The following ASIC2 variants were observed in gnomAD, a reference collection of about 807,000 sequenced individuals.
The protein encoded by ASIC2 is acid-sensing ion channel 2.
Under a neutral mutation model 57.3 loss-of-function variants are expected in ASIC2, and 25 were observed. The ratio of observed to expected loss-of-function variants is 0.44; its 90% CI spans 0.32 to 0.61. The LOEUF (loss-of-function observed/expected upper bound fraction) is 0.61, where lower values mean the gene tolerates loss of function less well. ASIC2 is among the 20% of genes least tolerant of loss of function. The pLI is 0.06. For synonymous variants in ASIC2, 319 were observed against 307.5 expected, an observed-to-expected ratio of 1.04 and a Z score of -0.39; for missense variants, 641 against 738.1, an observed-to-expected ratio of 0.87 and a Z score of 1.52.
intron 1 of ASIC2, among the ~76,000 whole-genome samples, chr17:33,200,261 C>T (rs1906806637): frequency 1.3e-5 from 2 of 152,212 alleles, no homozygotes; most frequent in South Asian, 2.1e-4. Context: ...CATCACAGTG[C>T]CTGGCATCGA....
intron 1 of ASIC2, among the ~76,000 whole-genome samples, chr17:33,615,984 A>G (rs1051445600): frequency 6.6e-6 from 1 of 152,208 alleles, no homozygotes; most frequent in Admixed American, 6.5e-5. Context: ...AAAAGAGATT[A>G]GCAGTGTACA....
intron 3 of ASIC2, among the ~76,000 whole-genome samples, chr17:33,034,182 CCTT>C (rs780883947): frequency 6.6e-4 from 100 of 152,188 alleles, no homozygotes; most frequent in Admixed American, 3.3e-4. Context: ...TCCTTCTCCT[CCTT>C]CTTCTTTTTC....
At position 33,745,642 on chromosome 17, in the gene ASIC2, C is replaced by T. The variant is rs1187083029; in HGVS notation, c.555+410336G>A. Reference sequence around the variant, plus strand: ...AGTCAGAAAGCAGTGGGATGACATACTCAAAGTGCAGAAAAAAGAAAAAAA... The same window carrying T: ...AGTCAGAAAGCAGTGGGATGACATATTCAAAGTGCAGAAAAAAGAAAAAAA... On this transcript the variant is annotated intron_variant, in intron 1 of 9. Coordinates refer to the ASIC2 transcript ENST00000359872. Among the ~76,000 whole-genome samples the T allele has an allele frequency of 3.3e-5, 5 of 151,652 alleles. No individual in the cohort carries two copies. The East Asian group carries it at 9.7e-4, about 29-fold the overall frequency.
chr17:33,311,082 A>G (rs970408616), intron 1 of ASIC2, among the ~76,000 whole-genome samples: 1 of 152,184 alleles, frequency 6.6e-6, no homozygotes, highest in African/African-American at 2.4e-5. Context: ...GCAAGACTCC[A>G]GTTCCATCCT....
chr17:33,045,325 C>T (rs996856978), intron 3 of ASIC2, among the ~76,000 whole-genome samples: 8 of 152,304 alleles, frequency 5.3e-5, no homozygotes, highest in South Asian at 4.1e-4. Context: ...TGCATGCCGA[C>T]GCACCATTAT....
At chr17:33,845,933 T>A (rs1332294631) in intron 1 of ASIC2, among the ~76,000 whole-genome samples, 1 of 152,222 alleles carries the variant, frequency 6.6e-6, no homozygotes, top group Non-Finnish European at 1.5e-5. Flanking sequence ...TTAGCTAAAA[T>A]GGGCCTTTTC....
At chr17:33,278,765 T>G (rs975221348) in intron 1 of ASIC2, among the ~76,000 whole-genome samples, 1 of 152,184 alleles carries the variant, frequency 6.6e-6, no homozygotes, top group African/African-American at 2.4e-5. Context: ...ATATTTTTTT[T>G]TTTGGTGGAA....
chr17:33,630,102 G>C (rs971940753), intron 1 of ASIC2, among the ~76,000 whole-genome samples: 6 of 152,056 alleles, frequency 3.9e-5, no homozygotes, highest in African/African-American at 1.4e-4. Flanking sequence ...GTTGCCCCAG[G>C]GATGTTTCTG....
chr17:33,540,792 C>T (rs553651736), intron 1 of ASIC2, among the ~76,000 whole-genome samples: 7 of 152,272 alleles, frequency 4.6e-5, no homozygotes, highest in Non-Finnish European at 8.8e-5. Context: ...ACACAGGACA[C>T]GCTTAATAAG....
At chr17:33,493,460 G>A (rs1913824275) in intron 1 of ASIC2, among the ~76,000 whole-genome samples, 1 of 152,134 alleles carries the variant, frequency 6.6e-6, no homozygotes, top group African/African-American at 2.4e-5. Context: ...ATTTGACCGT[G>A]GGTACTTTTT....
intron 1 of ASIC2, among the ~76,000 whole-genome samples, chr17:33,588,787 G>A (rs575142250): frequency 1.3e-5 from 2 of 152,320 alleles, no homozygotes; most frequent in Non-Finnish European, 2.9e-5. Context: ...GGAAGATTCT[G>A]AGTTGACTAA....
intron 1 of ASIC2, among the ~76,000 whole-genome samples, chr17:34,146,277 A>C (rs1018387812): frequency 3.3e-5 from 5 of 152,292 alleles, no homozygotes; most frequent in African/African-American, 1.2e-4. Context: ...ATTTTTGAAA[A>C]AGGTATTTTT....
At chr17:33,879,475 C>G (rs576213560) in intron 1 of ASIC2, among the ~76,000 whole-genome samples, 1 of 152,140 alleles carries the variant, frequency 6.6e-6, no homozygotes, top group Non-Finnish European at 1.5e-5. Flanking sequence ...ATAAAACAGA[C>G]TTTAAATCAA....
rs117192685 is a variant in ASIC2 at position 33,923,003 on chromosome 17, G to A, written c.555+232975C>T. On this transcript the variant is annotated intron_variant, in intron 1 of 9. Transcript: ENST00000359872. ...AGTGCAGATGCTGGAGCCCTTCTTT[G>A]CAATGTCACTTCTATCCTAGAGAGG... Among the ~76,000 whole-genome samples the A allele has an allele frequency of 2.0e-5, 3 of 152,276 alleles. No individual in the cohort carries two copies. The East Asian group carries it at 5.8e-4, about 29-fold the overall frequency.
chr17:33,841,054 GA>G (rs370640902), intron 1 of ASIC2, among the ~76,000 whole-genome samples: 1 of 150,494 alleles, frequency 6.6e-6, no homozygotes, highest in East Asian at 1.9e-4. Flanking sequence ...AAAGTTACCT[GA>G]AAAAAAAAGA....
intron 1 of ASIC2, among the ~76,000 whole-genome samples, chr17:33,353,203 A>G (rs1908250723): frequency 6.6e-6 from 1 of 152,214 alleles, no homozygotes; most frequent in Non-Finnish European, 1.5e-5. Flanking sequence ...CCAAACTGTT[A>G]GCTGTTTCCC....
chr17:33,268,157 C>A (rs986829515), intron 1 of ASIC2, among the ~76,000 whole-genome samples: 2 of 152,132 alleles, frequency 1.3e-5, no homozygotes, highest in Admixed American at 1.3e-4. Flanking sequence ...CCCTGTATAT[C>A]ATTTCCTGCT....
intron 1 of ASIC2, among the ~76,000 whole-genome samples, chr17:33,337,529 G>A (rs746924666): frequency 1.3e-5 from 2 of 152,222 alleles, no homozygotes; most frequent in East Asian, 1.9e-4. Context: ...TTGCTCAACT[G>A]TTCAAAGGGG....
intron 1 of ASIC2, among the ~76,000 whole-genome samples, chr17:33,890,323 G>T (rs778471539): frequency 2.0e-5 from 3 of 152,164 alleles, no homozygotes; most frequent in African/African-American, 7.2e-5. Flanking sequence ...TTTTCTCCAA[G>T]TGAGACTGGG....
Sources: allele counts gnomAD v4.1 joint callset (sites outside exome capture counted in the v4.1 genomes callset), GRCh38; gene constraint gnomAD v4.1.1; transcripts MANE v1.5; gene names NCBI Gene and HGNC (gene_info 2026-07-23, HGNC 2026-07-21).